The following CLMP variants were observed in gnomAD, a reference collection of about 807,000 sequenced individuals.
CLMP encodes CXADR-like membrane protein.
In CLMP, 27 loss-of-function variants were observed where a neutral mutation model predicts 45.2. The ratio of observed to expected loss-of-function variants is 0.60; its 90% CI spans 0.44 to 0.82. CLMP has a LOEUF of 0.82. CLMP is among the 40% of genes least tolerant of loss of function. The pLI, the probability that CLMP is intolerant of heterozygous loss-of-function variation, is 0.00. For synonymous variants in CLMP, 167 were observed against 171.4 expected (o/e 0.97, Z 0.20); for missense variants, 403 against 448.4 (o/e 0.90, Z 0.91).
chr11:123,113,603 C>T (rs1017881593), intron 1 of CLMP, among the ~76,000 whole-genome samples: 7 of 152,174 alleles, frequency 4.6e-5, no homozygotes, highest in South Asian at 2.1e-4. Flanking sequence ...TTTGGCAGAT[C>T]GGAACATCAC....
In CLMP at chr11:123,083,074, T is replaced by C. The variant is rs1419809592; in HGVS notation, c.679+11A>G. 2 of 1,613,080 alleles carry C rather than the reference T, an allele frequency of 1.2e-6. No individual in the cohort carries two copies. Among genetic ancestry groups the C allele is most frequent in the East Asian group, 2.2e-5 (1 of 44,874 alleles). ...CAGAAAAATGAAACTAAAACCTCTTTGGATGCTTACACTGTACAGTTACTC... is the reference window on the plus strand; with the variant it reads ...CAGAAAAATGAAACTAAAACCTCTTCGGATGCTTACACTGTACAGTTACTC... On this transcript the variant is annotated intron_variant, in intron 5 of 6. Coordinates refer to ENST00000448775, the MANE Select transcript of CLMP (RefSeq NM_024769.5).
chr11:123,139,030 A>G (rs1861117844), intron 1 of CLMP, among the ~76,000 whole-genome samples: 1 of 152,072 alleles, frequency 6.6e-6, no homozygotes, highest in Admixed American at 6.6e-5. Context: ...ATTGTATAAA[A>G]TTTAAGTTCC....
intron 1 of CLMP, among the ~76,000 whole-genome samples, chr11:123,182,602 AC>A (rs150269336): frequency 0.011 from 1,743 of 152,180 alleles, 23 homozygotes; most frequent in Non-Finnish European, 0.018. Flanking sequence ...TATATGCTTT[AC>A]CCTCTGGGCG....
chr11:123,170,849 T>A (rs1475685503), intron 1 of CLMP, among the ~76,000 whole-genome samples: 1 of 152,182 alleles, frequency 6.6e-6, no homozygotes, highest in Non-Finnish European at 1.5e-5. Context: ...GGTCACAGCT[T>A]AATAACCAGT....
chr11:123,083,250 G>T, intron 4 of CLMP, 43 bp from the exon 5 acceptor site: 2 of 1,583,286 alleles, frequency 1.3e-6, no homozygotes, highest in Non-Finnish European at 1.7e-6. Context: ...TTTAGTGATG[G>T]TATCTATATT....
intron 2 of CLMP, among the ~76,000 whole-genome samples, chr11:123,093,956 C>T (rs1452556312): frequency 1.3e-5 from 2 of 152,108 alleles, no homozygotes; most frequent in African/African-American, 2.4e-5. Flanking sequence ...ATGCAGATCT[C>T]TCTTGATGTT....
At chr11:123,109,823 T>C (rs1321371867) in intron 1 of CLMP, among the ~76,000 whole-genome samples, 2 of 152,190 alleles carry the variant, frequency 1.3e-5, no homozygotes, top group East Asian at 1.9e-4. Context: ...TTGTACTTTA[T>C]ACTAGCCAAC....
At position 123,076,180 on chromosome 11, in the gene CLMP, G is replaced by C. The variant is rs1397231735; in HGVS notation, c.680-1337C>G. ...TCTCAAAAAAAAAAAATTTTGAGTA[G>C]AATAAAAGTTGATTTTTAAAAATGG... On this transcript the variant is annotated intron_variant, in intron 5 of 6. Coordinates refer to ENST00000448775, the MANE Select transcript of CLMP (RefSeq NM_024769.5). Among the ~76,000 whole-genome samples, 3 of 152,094 alleles carry C rather than the reference G, an allele frequency of 2.0e-5. No individual in the cohort carries two copies. In the East Asian group the frequency reaches 5.8e-4, roughly 29 times the overall value.
At chr11:123,116,743 G>A (rs1036646291) in intron 1 of CLMP, among the ~76,000 whole-genome samples, 5 of 152,042 alleles carry the variant, frequency 3.3e-5, no homozygotes, top group Non-Finnish European at 7.4e-5. Context: ...TCTTCTTTCT[G>A]TTTTACAGAA....
chr11:123,147,403 G>A (rs930079839), intron 1 of CLMP, among the ~76,000 whole-genome samples: 1 of 152,120 alleles, frequency 6.6e-6, no homozygotes, highest in Non-Finnish European at 1.5e-5. Flanking sequence ...AGACTCAGAG[G>A]TCACATCCTC....
chr11:123,184,517 G>A (rs112014937), intron 1 of CLMP, among the ~76,000 whole-genome samples: 4,633 of 152,262 alleles, frequency 0.03, 218 homozygotes, highest in African/African-American at 0.1. Flanking sequence ...TGAACCTGGC[G>A]AGGCGGAAGC....
intron 1 of CLMP, among the ~76,000 whole-genome samples, chr11:123,168,308 C>T (rs533762781): frequency 3.3e-5 from 5 of 151,838 alleles, no homozygotes; most frequent in African/African-American, 1.2e-4. Flanking sequence ...AGAGCTGGGG[C>T]CACGGCACTC....
chr11:123,089,794 GAAAA>G, intron 2 of CLMP, among the ~76,000 whole-genome samples: 1 of 126,204 alleles, frequency 7.9e-6, no homozygotes, highest in Non-Finnish European at 1.6e-5. Flanking sequence ...AAAAAAAAAA[GAAAA>G]AGAAAAAGAA....
Position 123,073,542 on chromosome 11 carries a change from T to G in CLMP, c.1054A>C (p.Asn352His), listed in dbSNP as rs1865698151. Residue 352 changes from asparagine (N) to histidine (H), a missense_variant, in exon 7 of 7, where the codon AAT becomes CAT. Asn to His is a moderately conservative substitution (Grantham distance 68, BLOSUM62 1). Coordinates refer to ENST00000448775, the MANE Select transcript of CLMP (RefSeq NM_024769.5). ...GSEPKKVHHA[N>H]LTKAETTPSM... ...GGTGTGGTTTCTGCTTTGGTCAGAT[T>G]AGCATGGTGGACTTTCTTTGGTTCA... 6.2e-7 allele frequency: 1 copy of G among 1,614,070 alleles called. No individual in the cohort carries two copies. Among genetic ancestry groups the G allele is most frequent in the African/African-American group, 1.3e-5 (1 of 74,928 alleles).
intron 1 of CLMP, among the ~76,000 whole-genome samples, chr11:123,157,784 G>A (rs1861434938): frequency 6.6e-6 from 1 of 150,988 alleles, no homozygotes; most frequent in African/African-American, 2.4e-5. Context: ...ACCGGCCTGG[G>A]TTCACGGCGT....
intron 1 of CLMP, among the ~76,000 whole-genome samples, chr11:123,134,535 G>A (rs751117075): frequency 7.3e-5 from 11 of 151,544 alleles, no homozygotes; most frequent in Non-Finnish European, 1.0e-4. Context: ...GACTGGGCAC[G>A]GTGGCTCACA....
chr11:123,144,697 A>T (rs1222482280), intron 1 of CLMP, among the ~76,000 whole-genome samples: 1 of 152,156 alleles, frequency 6.6e-6, no homozygotes, highest in Non-Finnish European at 1.5e-5. Flanking sequence ...TGGTAAACTG[A>T]GGCTAAATGG....
intron 1 of CLMP, among the ~76,000 whole-genome samples, chr11:123,129,608 T>C (rs1860955606): frequency 7.1e-6 from 1 of 140,884 alleles, no homozygotes; most frequent in African/African-American, 2.6e-5. Context: ...ATATAATATA[T>C]ATTATATTTA....
At chr11:123,127,950 T>A (rs1591469145) in intron 1 of CLMP, among the ~76,000 whole-genome samples, 1 of 147,592 alleles carries the variant, frequency 6.8e-6, no homozygotes, top group South Asian at 2.1e-4. Flanking sequence ...GGCAGGAGAA[T>A]CACTTGAACC....
Sources: gnomAD v4.1 joint callset for allele counts (sites outside exome capture counted in the v4.1 genomes callset) on GRCh38, gnomAD v4.1.1 for gene constraint, MANE v1.5 for transcripts, NCBI Gene and HGNC (gene_info 2026-07-23, HGNC 2026-07-21) for gene names.